Variants in PCDHA13 observed in about 807,000 individuals in gnomAD.
The protein encoded by PCDHA13 is protocadherin alpha 13.
A neutral mutation model predicts 64.8 loss-of-function variants in PCDHA13; 54 were observed. The observed-to-expected ratio is 0.83, with a 90% CI of 0.67 to 1.04. PCDHA13 has a LOEUF of 1.04. Ranked by LOEUF, PCDHA13 falls within the 50% of genes least tolerant of loss-of-function variation. The pLI is 0.00. For missense variants in PCDHA13, 1,248 were observed against 1,254.3 expected (o/e 0.99, Z 0.08); for synonymous variants, 587 against 564.4 (o/e 1.04, Z -0.57).
At chr5:140,966,232 C>A (rs1353392797) in intron 1 of PCDHA13, 14 of 285,432 alleles carry the variant, frequency 4.9e-5, no homozygotes, top group African/African-American at 2.4e-4. Flanking sequence ...TCCTTAAAGA[C>A]CCGTTAAGCA....
rs139607260 is a variant in PCDHA13, at chr5:140,954,243, A to C, written c.2395-24706A>C. ...TATTGTGAATAGTGCTGCAATGAAC[A>C]TACACATGCAGGTATCTTTATAATA... On this transcript the variant is annotated intron_variant, in intron 1 of 3. Transcript: ENST00000289272. Among the ~76,000 whole-genome samples the C allele has an allele frequency of 3.2e-4, 49 of 152,350 alleles. No individual in the cohort carries two copies. In the East Asian group the frequency reaches 9.1e-3, roughly 28 times the overall value.
intron 1 of PCDHA13, among the ~76,000 whole-genome samples, chr5:140,901,839 A>G (rs578262204): frequency 6.6e-6 from 1 of 152,226 alleles, no homozygotes; most frequent in Admixed American, 6.5e-5. Context: ...TAAACATGCA[A>G]TATCTTTCCA....
chr5:140,982,300 G>A (rs2096976836), intron 2 of PCDHA13, 175 bp from the exon 3 acceptor site: 1 of 1,204,506 alleles, frequency 8.3e-7, no homozygotes, highest in South Asian at 1.7e-5. Flanking sequence ...AGTCAGCAAT[G>A]CTTCTGCAGT....
At chr5:140,919,012 C>T (rs1411489160) in intron 1 of PCDHA13, among the ~76,000 whole-genome samples, 1 of 152,164 alleles carries the variant, frequency 6.6e-6, no homozygotes, top group Non-Finnish European at 1.5e-5. Flanking sequence ...CTTTCATTTC[C>T]TAGTGATCTT....
At chr5:140,964,401 G>A (rs1230382796) in intron 1 of PCDHA13, among the ~76,000 whole-genome samples, 6 of 152,166 alleles carry the variant, frequency 3.9e-5, no homozygotes, top group Admixed American at 2.0e-4. Flanking sequence ...CCCAAGACAT[G>A]ACATTTGGGG....
intron 1 of PCDHA13, among the ~76,000 whole-genome samples, chr5:140,888,357 G>C (rs2061799918): frequency 6.6e-6 from 1 of 152,138 alleles, no homozygotes; most frequent in Non-Finnish European, 1.5e-5. Flanking sequence ...ATTGCTACTG[G>C]CATCTAATAA....
intron 1 of PCDHA13, among the ~76,000 whole-genome samples, chr5:140,920,012 G>A (rs531392984): frequency 2.6e-5 from 4 of 152,314 alleles, no homozygotes; most frequent in East Asian, 1.9e-4. Context: ...AAGGCCATGC[G>A]AAGATGGAGA....
Position 140,884,169 on chromosome 5 carries a change from C to A in PCDHA13, c.1901C>A (p.Thr634Lys). Residue 634 changes from threonine to lysine, a missense_variant, in exon 1 of 4, where the codon ACG becomes AAG. By Grantham distance (78) the Thr-to-Lys change is moderately conservative. Transcript: ENST00000289272. ...CTGTACACTGGCGAGATCAGCACGA[C>A]GCGCCCTCTGGACGAGGTGGACGCG... is the stretch of plus-strand genomic sequence containing the variant. ...VGLYTGEIST[T>K]RPLDEVDAPH... 2 of 1,613,426 alleles carry A rather than the reference C, an allele frequency of 1.2e-6. No individual in the cohort carries two copies. The highest frequency in any genetic ancestry group is 1.1e-5 in the South Asian group (1 of 91,062).
Position 140,883,412 on chromosome 5 carries a change from A to G in PCDHA13, c.1144A>G (p.Asn382Asp). Residue 382 changes from asparagine (N) to aspartate (D), a missense_variant, in exon 1 of 4, where the codon AAT becomes GAT. Transcript: ENST00000289272. ...ISVSDRDSGS[N>D]GQVTCTLTPH... is the part of the protein sequence containing the mutation. ...TGTGTCCGATCGTGACTCTGGCTCA[A>G]ATGGACAGGTCACCTGCACCTTGAC... 6.2e-7 allele frequency: 1 copy of G among 1,614,152 alleles called. No individual in the cohort carries two copies. The highest frequency in any genetic ancestry group is 1.3e-5 in the African/African-American group (1 of 75,028).
At chr5:140,951,672 T>C (rs1242247980) in intron 1 of PCDHA13, among the ~76,000 whole-genome samples, 1 of 152,114 alleles carries the variant, frequency 6.6e-6, no homozygotes, top group Non-Finnish European at 1.5e-5. Flanking sequence ...GCCTACAAAA[T>C]TGGGGATTAC....
chr5:140,952,712 C>A (rs567610262), intron 1 of PCDHA13, among the ~76,000 whole-genome samples: 3 of 152,298 alleles, frequency 2.0e-5, no homozygotes, highest in Middle Eastern at 3.4e-3. Context: ...CTCTCAGTAT[C>A]AATTTTCTGT....
chr5:141,000,395 CTATA>C (rs1190667031), intron 3 of PCDHA13, among the ~76,000 whole-genome samples: 54 of 53,974 alleles, frequency 1.0e-3, no homozygotes, highest in East Asian at 2.4e-3. Context: ...CTCTCTCTCT[CTATA>C]TATATATATA....
chr5:140,990,199 G>A (rs1308811962), intron 3 of PCDHA13, among the ~76,000 whole-genome samples: 1 of 152,132 alleles, frequency 6.6e-6, no homozygotes, highest in East Asian at 1.9e-4. Context: ...ATGTGGACCC[G>A]AAAGAGAACA....
chr5:140,914,510 A>G (rs900880100), intron 1 of PCDHA13, among the ~76,000 whole-genome samples: 1 of 152,100 alleles, frequency 6.6e-6, no homozygotes, highest in Non-Finnish European at 1.5e-5. Context: ...TCATTGGGTC[A>G]TGTTTTTTCA....
chr5:140,932,637 T>G (rs1554209011), intron 1 of PCDHA13, among the ~76,000 whole-genome samples: 2 of 151,870 alleles, frequency 1.3e-5, no homozygotes, highest in Non-Finnish European at 3.0e-5. Flanking sequence ...TAAAAAACTT[T>G]AGAATGATGA....
Position 141,010,554 on chromosome 5 carries a change from C to G in PCDHA13, c.*617C>G. On this transcript the variant is annotated 3_prime_UTR_variant, in exon 4 of 4. Transcript: ENST00000289272. ...CACCCTCTAGGAGACAAAACTACCC[C>G]CACTGACAAGGCTTTAGGAGACCCT... The G allele has an allele frequency of 3.1e-6, 1 of 322,198 alleles. No individual in the cohort carries two copies. The highest frequency in any genetic ancestry group is 9.3e-4 in the Middle Eastern group (1 of 1,074). 20.0% of individuals were successfully genotyped at this position (322,198 alleles called of 1,614,324 possible).
At chr5:140,888,503 T>C (rs1582952197) in intron 1 of PCDHA13, among the ~76,000 whole-genome samples, 1 of 152,132 alleles carries the variant, frequency 6.6e-6, no homozygotes, top group East Asian at 1.9e-4. Context: ...CTTTAAAGAG[T>C]CTTGGACTTA....
In PCDHA13 at chr5:140,884,295, C is replaced by G; in HGVS notation, c.2027C>G (p.Pro676Arg). ...LLSLVESGQA[P>R]QASSRASAGA... Reference sequence around the variant, plus strand: ...TCGCTGGTGGAGAGCGGCCAAGCGCCACAGGCTTCGTCGAGGGCGTCGGCA... The same window carrying G: ...TCGCTGGTGGAGAGCGGCCAAGCGCGACAGGCTTCGTCGAGGGCGTCGGCA... The change falls in exon 1 of 4, where the codon CCA becomes CGA. Residue 676 changes from proline to arginine, a missense_variant. Physicochemically the swap from Pro to Arg is moderately radical, Grantham distance 103 (BLOSUM62 -2). Coordinates refer to ENST00000289272, the MANE Select transcript of PCDHA13 (RefSeq NM_018904.3). 1 of 1,613,680 alleles carries G rather than the reference C, an allele frequency of 6.2e-7. No homozygotes were observed. The highest frequency in any genetic ancestry group is 8.5e-7 in the Non-Finnish European group (1 of 1,179,830).
At chr5:140,969,230 G>A (rs1554231609) in intron 1 of PCDHA13, 1 of 1,614,154 alleles carries the variant, frequency 6.2e-7, no homozygotes, top group South Asian at 1.1e-5. Flanking sequence ...GCCTTCGGGA[G>A]CCCAAGCAGC....
Sources: allele counts gnomAD v4.1 joint callset (sites outside exome capture counted in the v4.1 genomes callset), GRCh38; gene constraint gnomAD v4.1.1; transcripts MANE v1.5; gene names NCBI Gene and HGNC (gene_info 2026-07-23, HGNC 2026-07-21).